The following STIL variants were observed in gnomAD, a reference collection of about 807,000 sequenced individuals.
The protein encoded by STIL is SCL-interrupting locus protein.
Under a neutral mutation model 110.1 loss-of-function variants are expected in STIL, and 55 were observed. That is an observed-to-expected ratio of 0.50 (90% CI 0.40 to 0.63). STIL has a LOEUF of 0.63. Ranked by LOEUF, STIL falls within the 20% of genes least tolerant of loss-of-function variation. The probability of loss-of-function intolerance (pLI) is 0.00; values close to 1 mark genes in which losing one functional copy is unlikely to be tolerated. For synonymous variants in STIL, 481 were observed against 530.0 expected, an observed-to-expected ratio of 0.91 and a Z score of 1.27; for missense variants, 1,358 against 1,530.0, an observed-to-expected ratio of 0.89 and a Z score of 1.87.
intron 12 of STIL, among the ~76,000 whole-genome samples, chr1:47,275,012 C>T (rs1019458770): frequency 8.6e-5 from 13 of 151,728 alleles, no homozygotes; most frequent in African/African-American, 3.1e-4. Context: ...ATTAGCCGGG[C>T]ATGGTGGCAC....
chr1:47,273,478 C>G (rs576609846), intron 12 of STIL, among the ~76,000 whole-genome samples: 1 of 152,310 alleles, frequency 6.6e-6, no homozygotes, highest in South Asian at 2.1e-4. Context: ...TGGCTTCTTT[C>G]ACTTGGCATA....
intron 16 of STIL, among the ~76,000 whole-genome samples, chr1:47,254,783 T>C (rs986721517): frequency 6.6e-6 from 1 of 152,112 alleles, no homozygotes; most frequent in African/African-American, 2.4e-5. Context: ...GATCCTCCCA[T>C]CTTGGCCTCC....
chr1:47,307,355 G>A (rs563247528), intron 2 of STIL, among the ~76,000 whole-genome samples: 148 of 152,260 alleles, frequency 9.7e-4, no homozygotes, highest in Admixed American at 9.0e-3. Context: ...GGGACCGGCC[G>A]AAGCCATGAC....
At chr1:47,289,296 A>G (rs1441480012) in intron 9 of STIL, 139 bp downstream of exon 9, 9 of 541,202 alleles carry the variant, frequency 1.7e-5, no homozygotes, top group Non-Finnish European at 2.7e-5. Flanking sequence ...TAAAGTTAAT[A>G]TTTAATAAGA....
intron 14 of STIL, among the ~76,000 whole-genome samples, chr1:47,268,607 AATT>A (rs1475791305): frequency 1.3e-5 from 2 of 151,480 alleles, no homozygotes; most frequent in Admixed American, 1.3e-4. Flanking sequence ...ATACAAACAA[AATT>A]AGCCCAGCAT....
At position 47,280,839 on chromosome 1, in the gene STIL, G is replaced by A. The variant is rs372326388; in HGVS notation, c.1619C>T (p.Thr540Ile). The A allele has an allele frequency of 3.1e-6, 5 of 1,614,082 alleles. No individual in the cohort carries two copies. Among genetic ancestry groups the A allele is most frequent in the Non-Finnish European group, 4.2e-6 (5 of 1,180,036 alleles). ...GTTTTGTACATTTCCAGCAGAAACT[G>A]TTTGGAGCTTTTCAAATATATCATG... ...PSHDIFEKLQ[T>I]VSAGNVQNEE... The change falls in exon 12 of 17, where the codon ACA (threonine) becomes ATA (isoleucine). Residue 540 changes from threonine to isoleucine, a missense_variant. By Grantham distance (89) the Thr-to-Ile change is moderately conservative (BLOSUM62 -1). Coordinates refer to ENST00000371877, the MANE Select transcript of STIL (RefSeq NM_001048166.1).
chr1:47,314,187 C>CA (rs1304980840), upstream of STIL: 1 of 152,286 alleles, frequency 6.6e-6, no homozygotes, highest in African/African-American at 2.4e-5. Context: ...AAGGCCGCGC[C>CA]ACGCCTGCTG....
In STIL at chr1:47,250,231, CAAT is replaced by C. The variant is rs992407982; in HGVS notation, c.*902_*904del. ...AAAGTTTATAAAACACACTCATACT[CAAT>C]AATTTTCTTATTCTTTGATAGCCAG... is the stretch of plus-strand genomic sequence containing the variant. On this transcript the variant is annotated 3_prime_UTR_variant, in exon 17 of 17. Coordinates refer to ENST00000371877, the MANE Select transcript of STIL (RefSeq NM_001048166.1). The C allele has an allele frequency of 5.8e-6, 1 of 172,640 alleles. No homozygotes were observed. The highest frequency in any genetic ancestry group is 2.4e-5 in the African/African-American group (1 of 42,100). The allele number at this position is 172,640 out of a possible 1,614,324, so 10.7% of individuals were successfully genotyped here. A position where few individuals can be genotyped will look rare whatever the true frequency, so the allele number is the denominator to read the frequency against.
chr1:47,297,454 T>C (rs1645674009), intron 6 of STIL, among the ~76,000 whole-genome samples: 1 of 152,222 alleles, frequency 6.6e-6, no homozygotes. Context: ...TAACACATCA[T>C]GTTTACATGT....
chr1:47,314,522 A>G (rs1036217000), upstream of STIL, among the ~76,000 whole-genome samples: 3 of 152,236 alleles, frequency 2.0e-5, no homozygotes, highest in Non-Finnish European at 4.4e-5. Context: ...TTGGTCGGCG[A>G]CTGGAAGCGG....
chr1:47,259,307 A>T (rs1231308627), intron 16 of STIL, among the ~76,000 whole-genome samples: 56 of 15,950 alleles, frequency 3.5e-3, no homozygotes, highest in East Asian at 5.9e-3. Context: ...TTTTTTTTTG[A>T]CTGAGTCTTG....
At chr1:47,286,601 A>G (rs1211407448) in intron 10 of STIL, among the ~76,000 whole-genome samples, 3 of 151,750 alleles carry the variant, frequency 2.0e-5, no homozygotes, top group Non-Finnish European at 4.4e-5. Context: ...AGGCTGAGGC[A>G]GGAGAATGGC....
intron 11 of STIL, among the ~76,000 whole-genome samples, chr1:47,281,438 A>G (rs1430862285): frequency 6.6e-6 from 1 of 152,216 alleles, no homozygotes; most frequent in Non-Finnish European, 1.5e-5. Flanking sequence ...GAATAAAACT[A>G]AACACTTCCC....
chr1:47,273,840 CAATT>C (rs1454191879), intron 12 of STIL, among the ~76,000 whole-genome samples: 2 of 152,192 alleles, frequency 1.3e-5, no homozygotes, highest in South Asian at 4.1e-4. Flanking sequence ...TATCATCAAT[CAATT>C]ATTAAGGTCA....
In STIL at chr1:47,295,764, C is replaced by T; in HGVS notation, c.785+1G>A. 1 of 1,601,512 alleles carries T rather than the reference C, an allele frequency of 6.2e-7. No homozygotes were observed. Among genetic ancestry groups the T allele is most frequent in the Non-Finnish European group, 8.6e-7 (1 of 1,169,120 alleles). Reference sequence around the variant, plus strand: ...GTTTTCATAAATAATGTAATACTTACATTCCCACCAATGGTAGAGAATAAA... The same window carrying T: ...GTTTTCATAAATAATGTAATACTTATATTCCCACCAATGGTAGAGAATAAA... On this transcript the variant is annotated splice_donor_variant, in intron 7 of 16. Transcript: ENST00000371877. LOFTEE classifies it high-confidence loss of function.
At chr1:47,267,350 T>G (rs1373484245) in intron 14 of STIL, among the ~76,000 whole-genome samples, 6 of 152,216 alleles carry the variant, frequency 3.9e-5, no homozygotes, top group Admixed American at 3.3e-4. Context: ...TCTAGTTTTG[T>G]GGTAGCACGT....
At chr1:47,300,257 A>C in intron 5 of STIL, 105 bp from the exon 6 acceptor site, 1 of 1,099,400 alleles carries the variant, frequency 9.1e-7, no homozygotes, top group Non-Finnish European at 1.3e-6. Flanking sequence ...TCTTGCACAA[A>C]TAAAATTAAA....
In STIL at chr1:47,286,991, G is replaced by A. The variant is rs145148716; in HGVS notation, c.1133+560C>T. On this transcript the variant is annotated intron_variant, in intron 10 of 16. Coordinates refer to ENST00000371877, the MANE Select transcript of STIL (RefSeq NM_001048166.1). ...GCTCGCCTTGGACTCCCAAAGTGCT[G>A]GGATTATAGGCGTGAGCCATCACAC... Among the ~76,000 whole-genome samples, 437 of 152,206 alleles carry A rather than the reference G, an allele frequency of 2.9e-3. 2 individuals are homozygous for A. The highest frequency in any genetic ancestry group is 9.9e-3 in the African/African-American group (412 of 41,550).
chr1:47,285,029 T>G (rs1645256817), intron 10 of STIL, among the ~76,000 whole-genome samples: 1 of 150,272 alleles, frequency 6.7e-6, no homozygotes, highest in South Asian at 2.1e-4. Context: ...TCTTTTTTTT[T>G]TTTTTTTTCT....
Sources: allele counts gnomAD v4.1 joint callset (sites outside exome capture counted in the v4.1 genomes callset), GRCh38; gene constraint gnomAD v4.1.1; transcripts MANE v1.5; gene names NCBI Gene and HGNC (gene_info 2026-07-23, HGNC 2026-07-21).